Variants in CEP70 observed in about 807,000 individuals in gnomAD.
The protein encoded by CEP70 is centrosomal protein of 70 kDa.
In CEP70, 70 loss-of-function variants were observed where a neutral mutation model predicts 90.9. The observed-to-expected ratio is 0.77, with a 90% CI of 0.64 to 0.94. The LOEUF (loss-of-function observed/expected upper bound fraction) is 0.94, where lower values mean the gene tolerates loss of function less well. Among genes scored for constraint, CEP70 ranks in the 40% least tolerant of loss-of-function variants. The pLI is 0.00. For synonymous variants in CEP70, 220 were observed against 228.3 expected (o/e 0.96, Z 0.33); for missense variants, 648 against 669.0 (o/e 0.97, Z 0.35).
chr3:138,590,187 T>G (rs1317576563), intron 2 of CEP70, among the ~76,000 whole-genome samples: 3 of 152,192 alleles, frequency 2.0e-5, no homozygotes, highest in Admixed American at 2.0e-4. Flanking sequence ...ATAGTTCTGA[T>G]ACTGTCATAT....
chr3:138,496,414 G>A (rs1252723781), intron 17 of CEP70: 30 of 985,266 alleles, frequency 3.0e-5, no homozygotes, highest in Non-Finnish European at 3.6e-5. Flanking sequence ...ACCTACAACA[G>A]AGAATTTGTT....
chr3:138,499,045 C>CA (rs1162444289), intron 16 of CEP70, among the ~76,000 whole-genome samples: 71 of 127,196 alleles, frequency 5.6e-4, no homozygotes, highest in South Asian at 9.9e-4. Context: ...GACTCTGTCT[C>CA]AAAAAAAAAA....
intron 2 of CEP70, among the ~76,000 whole-genome samples, chr3:138,575,620 G>T (rs150573432): frequency 0.016 from 2,362 of 152,182 alleles, 41 homozygotes; most frequent in Non-Finnish European, 0.024. Context: ...GATACTCCTC[G>T]AGAAGAGCAA....
intron 2 of CEP70, among the ~76,000 whole-genome samples, chr3:138,576,168 A>G (rs2041509471): frequency 6.6e-6 from 1 of 152,248 alleles, no homozygotes; most frequent in South Asian, 2.1e-4. Flanking sequence ...AATCGGATAA[A>G]GAGTCAAGAC....
intron 7 of CEP70, 155 bp downstream of exon 7, chr3:138,537,022 AC>A: frequency 2.4e-6 from 1 of 408,916 alleles, no homozygotes; most frequent in Non-Finnish European, 4.2e-6. Flanking sequence ...AAAAAAAAGA[AC>A]AGGATGAGCA....
intron 11 of CEP70, among the ~76,000 whole-genome samples, chr3:138,523,307 C>A (rs530878334): frequency 2.0e-4 from 30 of 152,134 alleles, no homozygotes; most frequent in Middle Eastern, 3.4e-3. Flanking sequence ...CCCTTTGAAA[C>A]CTGGCACAAG....
At position 138,570,224 on chromosome 3, in the gene CEP70, A is replaced by G. The variant is rs78942470; in HGVS notation, c.465+94T>C. ...GCAGTGATAAGCCAAAAAAGGTAAA[A>G]ACCACTGAATCAAACAACATGGAAG... On this transcript the variant is annotated intron_variant, in intron 6 of 17. Coordinates refer to ENST00000264982, the MANE Select transcript of CEP70 (RefSeq NM_024491.4). 10,330 of 782,656 alleles carry G rather than the reference A, an allele frequency of 0.013. 769 individuals are homozygous for G. In the African/African-American group the frequency reaches 0.17, roughly 13 times the overall value. The allele number at this position is 782,656 out of a possible 1,614,324, so 48.5% of individuals were successfully genotyped here. A position where few individuals can be genotyped will look rare whatever the true frequency, so the allele number is the denominator to read the frequency against.
intron 6 of CEP70, 120 bp from the exon 7 acceptor site, chr3:138,537,467 C>A: frequency 1.7e-6 from 1 of 577,306 alleles, no homozygotes; most frequent in South Asian, 3.7e-5. Flanking sequence ...TCAAGAACTT[C>A]AGTATTGAGG....
At chr3:138,525,594 TC>T in intron 10 of CEP70, 30 bp from the exon 11 acceptor site, 3 of 1,050,540 alleles carry the variant, frequency 2.9e-6, no homozygotes, top group Non-Finnish European at 3.9e-6. Context: ...ATAAATTAAT[TC>T]AATTTACTGA....
rs776029911 is a variant in CEP70, at chr3:138,570,347, CTTTTA to C, written c.431_435del (p.Ile144ArgfsTer17). 7.6e-6 allele frequency: 12 copies of C among 1,587,006 alleles called. No homozygotes were observed. Among genetic ancestry groups the C allele is most frequent in the Non-Finnish European group, 9.4e-6 (11 of 1,171,788 alleles). ...AAAGTTTTCTGCTCCTTTTGAAGAT[CTTTTA>C]TTTTATTCTGTTGGTGGCAAGCCCT... On this transcript the variant is annotated frameshift_variant, in exon 6 of 18. Transcript: ENST00000264982. LOFTEE classifies it high-confidence loss of function.
At chr3:138,498,690 C>T (rs1465271652) in intron 16 of CEP70, among the ~76,000 whole-genome samples, 1 of 152,038 alleles carries the variant, frequency 6.6e-6, no homozygotes, top group Non-Finnish European at 1.5e-5. Context: ...CTTCTTAGAT[C>T]ATGCTTTTAC....
At chr3:138,517,887 C>T (rs975851192) in intron 11 of CEP70, among the ~76,000 whole-genome samples, 4 of 152,174 alleles carry the variant, frequency 2.6e-5, no homozygotes, top group Admixed American at 1.3e-4. Flanking sequence ...GGCAAGGCAT[C>T]GCCTCACCCG....
At chr3:138,525,254 G>A (rs1235564690) in intron 11 of CEP70, among the ~76,000 whole-genome samples, 1 of 151,862 alleles carries the variant, frequency 6.6e-6, no homozygotes, top group Admixed American at 6.6e-5. Flanking sequence ...CCATACACTG[G>A]GGCCTGTTAT....
chr3:138,528,050 T>G (rs911905528), intron 10 of CEP70, among the ~76,000 whole-genome samples: 20 of 150,832 alleles, frequency 1.3e-4, no homozygotes, highest in African/African-American at 4.1e-4. Context: ...TTGAAGTTTT[T>G]TTTTTTTTTT....
At position 138,497,341 on chromosome 3, in the gene CEP70, A is replaced by G. The variant is rs1467159343; in HGVS notation, c.1732+690T>C. 4 of 1,257,476 alleles carry G rather than the reference A, an allele frequency of 3.2e-6. No individual in the cohort carries two copies. The South Asian group carries it at 4.1e-5, about 13-fold the overall frequency. 77.9% of individuals were successfully genotyped at this position (1,257,476 alleles called of 1,614,324 possible). A position where few individuals can be genotyped will look rare whatever the true frequency, so the allele number is the denominator to read the frequency against. On this transcript the variant is annotated intron_variant, in intron 17 of 17. Coordinates refer to ENST00000264982, the MANE Select transcript of CEP70 (RefSeq NM_024491.4). ...CAAAGAGCCATTCTTTAAAAAAAAAAAAAAATCTTTCAAATGAGCTATACA... is the reference window on the plus strand; with the variant it reads ...CAAAGAGCCATTCTTTAAAAAAAAAGAAAAATCTTTCAAATGAGCTATACA...
intron 6 of CEP70, among the ~76,000 whole-genome samples, chr3:138,555,656 T>C (rs2039952402): frequency 3.9e-5 from 6 of 152,142 alleles, no homozygotes; most frequent in Admixed American, 3.9e-4. Flanking sequence ...AACAAACACA[T>C]GAAAACATGC....
At position 138,571,188 on chromosome 3, in the gene CEP70, T is replaced by TA. The variant is rs1576889446; in HGVS notation, c.161-32dup. 1.9e-6 allele frequency: 3 copies of TA among 1,551,146 alleles called. No homozygotes were observed. The East Asian group carries it at 6.9e-5, about 36-fold the overall frequency. ...TTTAAAAAGTATATAATACAGATAG[T>TA]AAAAATAAAAGGCAAAAAAAATTTT... On this transcript the variant is annotated intron_variant, in intron 4 of 17. Transcript: ENST00000264982.
chr3:138,522,901 G>C (rs1439935790), intron 11 of CEP70, among the ~76,000 whole-genome samples: 1 of 152,140 alleles, frequency 6.6e-6, no homozygotes, highest in Non-Finnish European at 1.5e-5. Context: ...TGATACCAAA[G>C]CCTGACAGAG....
chr3:138,574,066 C>G (rs2041353967), intron 2 of CEP70, among the ~76,000 whole-genome samples: 1 of 152,070 alleles, frequency 6.6e-6, no homozygotes, highest in African/African-American at 2.4e-5. Flanking sequence ...AACTGAGGTA[C>G]CTGGTTCATC....
Sources: allele counts gnomAD v4.1 joint callset (sites outside exome capture counted in the v4.1 genomes callset), GRCh38; gene constraint gnomAD v4.1.1; transcripts MANE v1.5; gene names NCBI Gene and HGNC (gene_info 2026-07-23, HGNC 2026-07-21).